RPS6KA2: variants seen among roughly 807,000 people sequenced by gnomAD.
RPS6KA2 encodes ribosomal protein S6 kinase A2.
In RPS6KA2, 42 loss-of-function variants were observed where a neutral mutation model predicts 91.8. The ratio of observed to expected loss-of-function variants is 0.46; its 90% CI spans 0.36 to 0.59. The LOEUF (loss-of-function observed/expected upper bound fraction) is 0.59. RPS6KA2 is among the 20% of genes least tolerant of loss of function. The pLI is 0.00. For missense variants in RPS6KA2, 798 were observed against 978.5 expected, an observed-to-expected ratio of 0.82 and a Z score of 2.46; for synonymous variants, 414 against 393.6, an observed-to-expected ratio of 1.05 and a Z score of -0.61.
At chr6:166,449,843 AACCACGAGGACCACC>A (rs1779806698) in intron 13 of RPS6KA2, among the ~76,000 whole-genome samples, 1 of 82,938 alleles carries the variant, frequency 1.2e-5, no homozygotes, top group African/African-American at 4.0e-5. Flanking sequence ...ACCACGGGAC[AACCACGAGGACCACC>A]ATGGGAACCA....
rs560648304 is a variant in RPS6KA2 at position 166,655,574 on chromosome 6, C to T, written c.124-116790G>A. 2.9e-3 allele frequency among the ~76,000 whole-genome samples: 442 copies of T among 152,234 alleles called. 3 individuals carry two copies. The highest frequency in any genetic ancestry group is 0.01 in the African/African-American group (417 of 41,520). On this transcript the variant is annotated intron_variant, in intron 2 of 21. Transcript: ENST00000503859. ...CTGGTGGATCTGAGACAGAGCAGGG[C>T]GGGTAACTGAAGACCAGGCTGGAAA... is the stretch of plus-strand genomic sequence containing the variant.
chr6:166,479,209 G>A (rs1331487582), intron 10 of RPS6KA2, among the ~76,000 whole-genome samples: 4 of 152,374 alleles, frequency 2.6e-5, no homozygotes, highest in East Asian at 1.9e-4. Flanking sequence ...GAGAGCCCAC[G>A]AGCATGAGGG....
At chr6:166,528,828 C>G (rs1360849464) in intron 3 of RPS6KA2, among the ~76,000 whole-genome samples, 1 of 152,072 alleles carries the variant, frequency 6.6e-6, no homozygotes, top group African/African-American at 2.4e-5. Context: ...AAATGCTCAT[C>G]ATCACTGGCC....
At chr6:166,787,350 T>C (rs78712722) in intron 2 of RPS6KA2, among the ~76,000 whole-genome samples, 7,413 of 152,186 alleles carry the variant, frequency 0.049, 604 homozygotes, top group African/African-American at 0.17. Flanking sequence ...GGAAAAGTTA[T>C]GAAATGTTAA....
chr6:166,584,013 G>A (rs992431778), intron 1 of RPS6KA2, among the ~76,000 whole-genome samples: 3 of 152,222 alleles, frequency 2.0e-5, no homozygotes, highest in Non-Finnish European at 4.4e-5. Context: ...TAGGCCAGGT[G>A]TGCAACGAAA....
Position 166,627,166 on chromosome 6 carries a change from G to C in RPS6KA2, c.-147C>G, listed in dbSNP as rs1485568296. ...GGGCGCGGGGCGTGGGGCGCGAGCTGCGGTCACAAAGGGCAGGCCGCGCCG... is the reference window on the plus strand; with the variant it reads ...GGGCGCGGGGCGTGGGGCGCGAGCTCCGGTCACAAAGGGCAGGCCGCGCCG... On this transcript the variant is annotated 5_prime_UTR_variant, in exon 1 of 21. Transcript: ENST00000265678. The C allele has an allele frequency of 2.7e-5, 30 of 1,094,298 alleles. No individual in the cohort carries two copies. Among genetic ancestry groups the C allele is most frequent in the Non-Finnish European group, 3.3e-5 (30 of 901,342 alleles). The allele number at this position is 1,094,298 out of a possible 1,614,324, so 67.8% of individuals were successfully genotyped here. A position where few individuals can be genotyped will look rare whatever the true frequency, so the allele number is the denominator to read the frequency against.
chr6:166,533,230 C>T lies in RPS6KA2; in HGVS notation c.217-1917G>A, dbSNP rs1783354824. ...CAGTTTTAGCTTCCATCTGATGCAA[C>T]TCCTTTCATTTCTCCAGCCCGTCCG... On this transcript the variant is annotated intron_variant, in intron 2 of 20. Transcript: ENST00000265678. The surrounding 1 kb of genome is among the most constrained non-coding windows in gnomAD (Gnocchi z 4.0). 6.6e-6 allele frequency among the ~76,000 whole-genome samples: 1 copy of T among 152,244 alleles called. No individual in the cohort carries two copies. The highest frequency in any genetic ancestry group is 2.4e-5 in the African/African-American group (1 of 41,458).
intron 2 of RPS6KA2, among the ~76,000 whole-genome samples, chr6:166,816,404 A>AAAAAAAT (rs1779765389): frequency 6.6e-6 from 1 of 150,754 alleles, no homozygotes; most frequent in Non-Finnish European, 1.5e-5. Context: ...AAAAAAAAAA[A>AAAAAAAT]AATAGCTGGG....
At chr6:166,684,735 C>G (rs886951180) in intron 2 of RPS6KA2, among the ~76,000 whole-genome samples, 1 of 152,206 alleles carries the variant, frequency 6.6e-6, no homozygotes, top group African/African-American at 2.4e-5. Flanking sequence ...TCCCCGAAAG[C>G]CTCACCTCCA....
intron 3 of RPS6KA2, among the ~76,000 whole-genome samples, chr6:166,518,276 A>G (rs1356040270): frequency 2.7e-5 from 4 of 150,474 alleles, no homozygotes; most frequent in Non-Finnish European, 5.9e-5. Flanking sequence ...AAAAAAAGCA[A>G]TAACAAATTA....
At chr6:166,484,944 G>C (rs559448450) in intron 10 of RPS6KA2, among the ~76,000 whole-genome samples, 2 of 152,222 alleles carry the variant, frequency 1.3e-5, no homozygotes, top group Non-Finnish European at 2.9e-5. Flanking sequence ...GTCAGATAAT[G>C]ACTACCTTAG....
chr6:166,748,608 T>TCGGGCCCCCA (rs1791120071), intron 2 of RPS6KA2, among the ~76,000 whole-genome samples: 2 of 17,016 alleles, frequency 1.2e-4, no homozygotes, highest in Admixed American at 5.7e-4. Context: ...AGGCCCCCAT[T>TCGGGCCCCCA]TCCCTGGGCC....
intron 1 of RPS6KA2, among the ~76,000 whole-genome samples, chr6:166,570,648 A>G (rs951489636): frequency 6.6e-6 from 1 of 152,254 alleles, no homozygotes; most frequent in Non-Finnish European, 1.5e-5. Context: ...GTTTAGATAC[A>G]AAAAGAAATA....
In RPS6KA2 at chr6:166,544,856, C is replaced by T. The variant is rs371864400; in HGVS notation, c.100-6072G>A. 1.1e-3 allele frequency among the ~76,000 whole-genome samples: 160 copies of T among 152,342 alleles called. 2 individuals carry two copies. The South Asian group carries it at 0.033, about 31-fold the overall frequency. On this transcript the variant is annotated intron_variant, in intron 1 of 20. Transcript: ENST00000265678. ...ATTCCTTAGGAAACCATTTCTACAA[C>T]AAGTTTCCCTTCCATTTCTAAAAAG...
At position 166,607,535 on chromosome 6, in the gene RPS6KA2, T is replaced by C. The variant is rs972049683; in HGVS notation, c.99+19386A>G. ...AAGAAGCCAGCCACAAAACCCCACA[T>C]TGTATGATTCCGTTTATATGAAATA... On this transcript the variant is annotated intron_variant, in intron 1 of 20. Transcript: ENST00000265678. Among the ~76,000 whole-genome samples, 3 of 152,222 alleles carry C rather than the reference T, an allele frequency of 2.0e-5. No homozygotes were observed. In the South Asian group the frequency reaches 6.2e-4, roughly 32 times the overall value.
intron 2 of RPS6KA2, among the ~76,000 whole-genome samples, chr6:166,654,632 T>C (rs761165440): frequency 1.3e-5 from 2 of 152,264 alleles, no homozygotes; most frequent in African/African-American, 2.4e-5. Flanking sequence ...AACAGTATTC[T>C]TGAATGAAGT....
upstream of RPS6KA2, chr6:166,628,104 C>A (rs1786963728): frequency 6.6e-6 from 1 of 152,278 alleles, no homozygotes; most frequent in Non-Finnish European, 1.5e-5. Flanking sequence ...CTTATCAGGG[C>A]CCGCGCTGGG....
At chr6:166,550,197 T>C (rs774325924) in intron 1 of RPS6KA2, among the ~76,000 whole-genome samples, 26 of 152,182 alleles carry the variant, frequency 1.7e-4, no homozygotes, top group Non-Finnish European at 2.8e-4. Flanking sequence ...TATACAGAAA[T>C]AGAAAACTGG....
At chr6:166,583,205 A>T (rs1247159805) in intron 1 of RPS6KA2, among the ~76,000 whole-genome samples, 1 of 152,236 alleles carries the variant, frequency 6.6e-6, no homozygotes. Flanking sequence ...TTGTGAGCTA[A>T]AAGTGCTGAA....
Sources: allele counts gnomAD v4.1 joint callset (sites outside exome capture counted in the v4.1 genomes callset), GRCh38; gene constraint gnomAD v4.1.1; non-coding constraint Gnocchi (gnomAD v3.1); transcripts MANE v1.5; gene names NCBI Gene and HGNC (gene_info 2026-07-23, HGNC 2026-07-21).